The following PHF8 variants were observed in gnomAD, a reference collection of about 807,000 sequenced individuals.
PHF8 encodes the protein PHD finger protein 8.
A neutral mutation model predicts 74.4 loss-of-function variants in PHF8; 9 were observed. The ratio of observed to expected loss-of-function variants is 0.12; its 90% CI spans 0.07 to 0.21. PHF8 has a LOEUF of 0.21. Among genes scored for constraint, PHF8 ranks in the 10% least tolerant of loss-of-function variants. The probability of loss-of-function intolerance (pLI) is 1.00; values close to 1 mark genes in which losing one functional copy is unlikely to be tolerated. For missense variants in PHF8, 478 were observed against 816.6 expected, an observed-to-expected ratio of 0.59 and a Z score of 5.05; for synonymous variants, 311 against 316.6, an observed-to-expected ratio of 0.98 and a Z score of 0.19.
At chrX:54,023,099 C>T (rs2066205075) in intron 2 of PHF8, among the ~76,000 whole-genome samples, 1 of 111,251 alleles carries the variant, frequency 9.0e-6, no homozygotes, top group African/African-American at 3.3e-5. Context: ...CCTCAGCCTC[C>T]CAATTAGCTG....
intron 14 of PHF8, among the ~76,000 whole-genome samples, chrX:53,989,165 T>C (rs1218859632): frequency 1.8e-5 from 2 of 110,411 alleles, no homozygotes; most frequent in Non-Finnish European, 3.8e-5. Flanking sequence ...GGTTTCGTCA[T>C]GTTGGCCAGG....
rs905850734 is a variant in PHF8, at chrX:54,043,788, C to G, written c.-119G>C. 8.0e-6 allele frequency: 6 copies of G among 749,509 alleles called. No individual in the cohort carries two copies. The highest frequency in any genetic ancestry group is 9.5e-6 in the Non-Finnish European group (6 of 634,775). The allele number at this position is 749,509 out of a possible 1,213,427, so 61.8% of individuals were successfully genotyped here. ...GGAATCTTAACGCTTCCCCAACTGA[C>G]AGGAACCTCCTCACGCCCCAAACCT... is the stretch of plus-strand genomic sequence containing the variant. On this transcript the variant is annotated 5_prime_UTR_variant, in exon 1 of 22. Transcript: ENST00000338154.
intron 4 of PHF8, among the ~76,000 whole-genome samples, chrX:54,021,454 ATTTTTTTTTTTTTTT>A (rs1156928686): frequency 9.5e-5 from 4 of 42,166 alleles, no homozygotes; most frequent in African/African-American, 2.2e-4. Flanking sequence ...AGTTGCAATT[ATTTTTTTTTTTTTTT>A]TTTTTTTTTT....
rs1228851220 is a variant in PHF8, at chrX:53,942,675, C to T, written c.2649+1459G>A. ...CATACATTTATGATTGTAAGTACCACGAATGTTGTAGAAGCATATAGAAAA... is the reference window on the plus strand; with the variant it reads ...CATACATTTATGATTGTAAGTACCATGAATGTTGTAGAAGCATATAGAAAA... On this transcript the variant is annotated intron_variant, in intron 20 of 21. Coordinates refer to ENST00000338154, the MANE Select transcript of PHF8 (RefSeq NM_015107.3). 1.5e-5 allele frequency: 11 copies of T among 730,576 alleles called. No individual in the cohort carries two copies. The Admixed American group carries it at 3.6e-4, about 24-fold the overall frequency. 60.2% of individuals were successfully genotyped at this position (730,576 alleles called of 1,213,427 possible). A position where few individuals can be genotyped will look rare whatever the true frequency, so the allele number is the denominator to read the frequency against.
chrX:53,980,600 C>G (rs782422926), intron 18 of PHF8, among the ~76,000 whole-genome samples: 13 of 112,095 alleles, frequency 1.2e-4, no homozygotes, highest in Middle Eastern at 4.6e-3. Flanking sequence ...ACAGGACACA[C>G]AGATCATCTA....
chrX:53,993,013 T>A, intron 13 of PHF8, 174 bp from the exon 14 acceptor site: 1 of 468,898 alleles, frequency 2.1e-6, no homozygotes, highest in Non-Finnish European at 3.8e-6. Flanking sequence ...AGGTTGAAAA[T>A]GTGTGGTTGG....
At chrX:53,974,291 T>C (rs970691511) in intron 18 of PHF8, among the ~76,000 whole-genome samples, 11 of 110,238 alleles carry the variant, frequency 1.0e-4, no homozygotes, top group African/African-American at 3.0e-4. Context: ...AAGACATTCA[T>C]GCGGCCATCA....
At chrX:53,946,945 A>G (rs782014768) in intron 19 of PHF8, among the ~76,000 whole-genome samples, 8 of 112,195 alleles carry the variant, frequency 7.1e-5, no homozygotes, top group Non-Finnish European at 1.5e-4. Context: ...AATGAAGCCA[A>G]TACGGCAATA....
Position 53,944,071 on chromosome X carries a change from A to C in PHF8, c.2649+63T>G, listed in dbSNP as rs1375369572. 15 of 660,087 alleles carry C rather than the reference A, an allele frequency of 2.3e-5. No homozygotes were observed. The Admixed American group carries it at 3.3e-4, about 15-fold the overall frequency. 54.4% of individuals were successfully genotyped at this position (660,087 alleles called of 1,213,427 possible). ...GGGATCCTATCAGCCTGCAGGTCTAAGTGTTGAGGCTCTAAGTCAAACTGC... is the reference window on the plus strand; with the variant it reads ...GGGATCCTATCAGCCTGCAGGTCTACGTGTTGAGGCTCTAAGTCAAACTGC... On this transcript the variant is annotated intron_variant, in intron 20 of 21. Coordinates refer to ENST00000338154, the MANE Select transcript of PHF8 (RefSeq NM_015107.3).
intron 4 of PHF8, among the ~76,000 whole-genome samples, 154 bp from the exon 5 acceptor site, chrX:54,017,975 TG>T (rs782164550): frequency 1.8e-5 from 2 of 111,140 alleles, no homozygotes; most frequent in East Asian, 5.7e-4. Context: ...AGGGAAGAAA[TG>T]ATCTGTCCAA....
chrX:53,965,189 A>G (rs2065165748), intron 18 of PHF8, among the ~76,000 whole-genome samples: 1 of 112,189 alleles, frequency 8.9e-6, no homozygotes, highest in Non-Finnish European at 1.9e-5. Flanking sequence ...GCACGCACAC[A>G]CACACGAAGA....
chrX:54,021,403 G>A (rs1392524127), intron 4 of PHF8, among the ~76,000 whole-genome samples: 2 of 103,091 alleles, frequency 1.9e-5, no homozygotes, highest in African/African-American at 3.6e-5. Flanking sequence ...ATATACCCAC[G>A]TAAACAAACC....
chrX:54,021,470 T>A (rs1276712527), intron 4 of PHF8, among the ~76,000 whole-genome samples: 3 of 80,314 alleles, frequency 3.7e-5, no homozygotes, highest in Admixed American at 2.7e-4. Flanking sequence ...TTTTTTTTTT[T>A]TTTTTTTTTT....
chrX:54,001,059 G>A (rs1557104102), intron 10 of PHF8, among the ~76,000 whole-genome samples: 7 of 112,521 alleles, frequency 6.2e-5, no homozygotes, highest in Non-Finnish European at 1.9e-5. Context: ...CAGGCGTGGT[G>A]GCTCACGCCT....
intron 19 of PHF8, among the ~76,000 whole-genome samples, chrX:53,960,676 G>C (rs1183160131): frequency 9.2e-6 from 1 of 108,603 alleles, no homozygotes; most frequent in African/African-American, 3.4e-5. Context: ...TTGAACCCGG[G>C]AGGCGGAGAT....
At chrX:54,040,180 G>A (rs782661809) in intron 2 of PHF8, 2 of 112,108 alleles carry the variant, frequency 1.8e-5, no homozygotes, top group South Asian at 7.4e-4. Flanking sequence ...CATGGGGTCC[G>A]GCAGACATAA....
At chrX:54,036,251 T>C (rs1488964312) in intron 2 of PHF8, among the ~76,000 whole-genome samples, 1 of 110,824 alleles carries the variant, frequency 9.0e-6, no homozygotes, top group East Asian at 2.8e-4. Flanking sequence ...CGAGTGATCA[T>C]GAAACATTTA....
chrX:54,043,424 C>T (rs920887769), intron 1 of PHF8, among the ~76,000 whole-genome samples: 1 of 110,999 alleles, frequency 9.0e-6, no homozygotes, highest in Non-Finnish European at 1.9e-5. Context: ...CTCTCAATAT[C>T]ATTCCTTCCC....
intron 20 of PHF8, among the ~76,000 whole-genome samples, chrX:53,943,758 T>C (rs1370011050): frequency 8.9e-5 from 10 of 112,011 alleles, no homozygotes; most frequent in African/African-American, 2.6e-4. Context: ...ATTCCAATAC[T>C]GGTGGGTGGC....
Sources: gnomAD v4.1 joint callset for allele counts (sites outside exome capture counted in the v4.1 genomes callset) on GRCh38, gnomAD v4.1.1 for gene constraint, MANE v1.5 for transcripts, NCBI Gene and HGNC (gene_info 2026-07-23, HGNC 2026-07-21) for gene names.